Variants in NEMP2 observed in about 807,000 individuals in gnomAD.
The protein encoded by NEMP2 is UPF0571 transmembrane protein.
A neutral mutation model predicts 54.2 loss-of-function variants in NEMP2; 53 were observed. The ratio of observed to expected loss-of-function variants is 0.98; its 90% CI spans 0.78 to 1.23. The LOEUF (loss-of-function observed/expected upper bound fraction) is 1.23. Ranked by LOEUF, NEMP2 falls within the 50% of genes most tolerant of loss-of-function variation. NEMP2 has a pLI of 0.00. For synonymous variants in NEMP2, 197 were observed against 190.3 expected, an observed-to-expected ratio of 1.04 and a Z score of -0.29; for missense variants, 455 against 511.3, an observed-to-expected ratio of 0.89 and a Z score of 1.06.
At chr2:190,591,300 CTCAAA>C in the NEMP2 span, among the ~76,000 whole-genome samples, 1 of 152,090 alleles carries the variant, frequency 6.6e-6, no homozygotes, top group Admixed American at 6.6e-5. The surrounding 1 kb of genome is among the most constrained non-coding windows in gnomAD (Gnocchi z 5.4). Flanking sequence ...TTGTCTGCAG[CTCAAA>C]TCAGAGTTGC....
At chr2:190,585,345 C>T in the NEMP2 span, among the ~76,000 whole-genome samples, 1 of 152,114 alleles carries the variant, frequency 6.6e-6, no homozygotes, top group South Asian at 2.1e-4. This position sits in a 1 kb window ranked among gnomAD's most constrained non-coding sequence, Gnocchi z 5.3. Context: ...AATGGGTGCC[C>T]CTGAATTTTA....
rs1690145883 is a variant in NEMP2, at chr2:190,504,673, T to TAAC, written c.*4513_*4515dup. On this transcript the variant is annotated 3_prime_UTR_variant, in exon 9 of 9. Coordinates refer to ENST00000409150, the MANE Select transcript of NEMP2 (RefSeq NM_001142645.2). The surrounding 1 kb of genome is among the most constrained non-coding windows in gnomAD (Gnocchi z 5.6). Reference sequence around the variant, plus strand: ...AAAAGTAAACAATTTTATAATCATTTAACAAATTATATACCATACTCTCTC... The same window carrying TAAC: ...AAAAGTAAACAATTTTATAATCATTTAACAACAAATTATATACCATACTCTCTC... The TAAC allele has an allele frequency of 6.6e-6, 1 of 152,208 alleles. No individual in the cohort carries two copies. The highest frequency in any genetic ancestry group is 2.4e-5 in the African/African-American group (1 of 41,438). The allele number at this position is 152,208 out of a possible 1,614,324, so 9.4% of individuals were successfully genotyped here. A position where few individuals can be genotyped will look rare whatever the true frequency, so the allele number is the denominator to read the frequency against.
chr2:190,428,792 C>T, the NEMP2 span, among the ~76,000 whole-genome samples: 5 of 152,046 alleles, frequency 3.3e-5, no homozygotes, highest in Admixed American at 1.3e-4. Context: ...CCTGCCTCAG[C>T]CCCCCGAGTA....
the NEMP2 span, among the ~76,000 whole-genome samples, chr2:190,591,437 G>T: frequency 1.3e-5 from 2 of 152,112 alleles, no homozygotes; most frequent in Admixed American, 6.6e-5. The surrounding 1 kb of genome is among the most constrained non-coding windows in gnomAD (Gnocchi z 5.4). Flanking sequence ...AGTTCAGAAG[G>T]TTCCTAGTAC....
At chr2:190,428,372 C>G in the NEMP2 span, among the ~76,000 whole-genome samples, 1 of 152,174 alleles carries the variant, frequency 6.6e-6, no homozygotes, top group Non-Finnish European at 1.5e-5. Flanking sequence ...GGATTAGTAG[C>G]TATTCCCAGT....
chr2:190,639,645 T>TG, the NEMP2 span, among the ~76,000 whole-genome samples: 56 of 146,856 alleles, frequency 3.8e-4, no homozygotes, highest in Admixed American at 9.4e-4. Context: ...AGTTTTTTTT[T>TG]TTTGTTTTTT....
the NEMP2 span, among the ~76,000 whole-genome samples, chr2:190,631,028 CA>C: frequency 6.6e-6 from 1 of 151,570 alleles, no homozygotes; most frequent in Non-Finnish European, 1.5e-5. Flanking sequence ...CTGAGTCACA[CA>C]GCAGAAAAAC....
chr2:190,426,239 T>C, the NEMP2 span, among the ~76,000 whole-genome samples: 1 of 152,224 alleles, frequency 6.6e-6, no homozygotes, highest in Non-Finnish European at 1.5e-5. This position sits in a 1 kb window ranked among gnomAD's most constrained non-coding sequence, Gnocchi z 4.7. Context: ...TCTTTCACTT[T>C]ATTTTCTCTC....
the NEMP2 span, among the ~76,000 whole-genome samples, chr2:190,632,163 A>G: frequency 5.9e-5 from 9 of 152,236 alleles, no homozygotes; most frequent in Non-Finnish European, 1.3e-4. The surrounding 1 kb of genome is among the most constrained non-coding windows in gnomAD (Gnocchi z 4.8). Context: ...TCTAGAGGGA[A>G]GTGGGAAGCT....
chr2:190,566,743 GA>G, the NEMP2 span, among the ~76,000 whole-genome samples: 11 of 147,222 alleles, frequency 7.5e-5, no homozygotes, highest in African/African-American at 1.5e-4. Flanking sequence ...AGAAAGAAAA[GA>G]AAAAAAAAGA....
the NEMP2 span, among the ~76,000 whole-genome samples, chr2:190,545,134 GAA>G: frequency 4.0e-5 from 6 of 151,346 alleles, no homozygotes; most frequent in Non-Finnish European, 7.4e-5. Flanking sequence ...AAAAAAGTAA[GAA>G]AAAAAAAGAT....
the NEMP2 span, among the ~76,000 whole-genome samples, chr2:190,593,994 T>C: frequency 6.6e-6 from 1 of 152,222 alleles, no homozygotes; most frequent in Admixed American, 6.5e-5. The surrounding 1 kb of genome is among the most constrained non-coding windows in gnomAD (Gnocchi z 4.5). Flanking sequence ...AACTCACCAA[T>C]GACTTCTCAT....
At position 190,514,415 on chromosome 2, in the gene NEMP2, A is replaced by G. The variant is rs1444944222; in HGVS notation, c.953+38T>C. On this transcript the variant is annotated intron_variant, in intron 7 of 8. Coordinates refer to ENST00000409150, the MANE Select transcript of NEMP2 (RefSeq NM_001142645.2). The surrounding 1 kb of genome is among the most constrained non-coding windows in gnomAD (Gnocchi z 5.7). ...TCCCAAATAATAAAACTAGAGCTCAAAATGTCAAATTTGCTGGGGGAAAAA... is the reference window on the plus strand; with the variant it reads ...TCCCAAATAATAAAACTAGAGCTCAGAATGTCAAATTTGCTGGGGGAAAAA... 1 of 1,508,920 alleles carries G rather than the reference A, an allele frequency of 6.6e-7. No individual in the cohort carries two copies. The highest frequency in any genetic ancestry group is 9.0e-7 in the Non-Finnish European group (1 of 1,110,070). The allele number at this position is 1,508,920 out of a possible 1,614,324, so 93.5% of individuals were successfully genotyped here.
the NEMP2 span, among the ~76,000 whole-genome samples, chr2:190,563,983 T>C: frequency 1.3e-5 from 2 of 152,264 alleles, no homozygotes. The surrounding 1 kb of genome is among the most constrained non-coding windows in gnomAD (Gnocchi z 4.3). Context: ...CACCCTAATG[T>C]TGCTATCCTA....
At chr2:190,435,258 G>A in the NEMP2 span, 2 of 152,078 alleles carry the variant, frequency 1.3e-5, no homozygotes, top group African/African-American at 4.8e-5. Flanking sequence ...AAGATAATAG[G>A]GCTATTGTGA....
At chr2:190,436,996 C>G in the NEMP2 span, 1 of 1,614,224 alleles carries the variant, frequency 6.2e-7, no homozygotes, top group Non-Finnish European at 8.5e-7. This position sits in a 1 kb window ranked among gnomAD's most constrained non-coding sequence, Gnocchi z 5.3. Flanking sequence ...ACACAGAGAT[C>G]GCTATGGGTT....
chr2:190,518,936 A>G lies in NEMP2; in HGVS notation c.445+16T>C. On this transcript the variant is annotated intron_variant, in intron 3 of 8. Coordinates refer to ENST00000409150, the MANE Select transcript of NEMP2 (RefSeq NM_001142645.2). ...AACTGAATCCAGAAAGTCAAGTATA[A>G]TAAAATCGGACTTACTGTTTCGATT... The G allele has an allele frequency of 1.3e-6, 2 of 1,540,592 alleles. No individual in the cohort carries two copies. The highest frequency in any genetic ancestry group is 1.8e-6 in the Non-Finnish European group (2 of 1,139,318).
At chr2:190,456,826 G>A in the NEMP2 span, among the ~76,000 whole-genome samples, 2 of 152,284 alleles carry the variant, frequency 1.3e-5, no homozygotes, top group African/African-American at 4.8e-5. The surrounding 1 kb of genome is among the most constrained non-coding windows in gnomAD (Gnocchi z 5.4). Context: ...TGATCTTTCA[G>A]CGCATTTCTT....
At chr2:190,422,280 C>T in the NEMP2 span, among the ~76,000 whole-genome samples, 1 of 152,172 alleles carries the variant, frequency 6.6e-6, no homozygotes. Flanking sequence ...ACCTTCAGTC[C>T]TATTCCCACT....
Sources: gnomAD v4.1 joint callset for allele counts (sites outside exome capture counted in the v4.1 genomes callset) on GRCh38, gnomAD v4.1.1 for gene constraint, Gnocchi (gnomAD v3.1) non-coding constraint, MANE v1.5 for transcripts, NCBI Gene and HGNC (gene_info 2026-07-23, HGNC 2026-07-21) for gene names.